The following TENT2 variants were observed in gnomAD, a reference collection of about 807,000 sequenced individuals.
TENT2 encodes the protein terminal nucleotidyltransferase 2.
A neutral mutation model predicts 72.2 loss-of-function variants in TENT2; 44 were observed. The ratio of observed to expected loss-of-function variants is 0.61; its 90% CI spans 0.48 to 0.78. The LOEUF is 0.78. Ranked by LOEUF, TENT2 falls within the 30% of genes least tolerant of loss-of-function variation. The probability of loss-of-function intolerance (pLI) is 0.00; values close to 1 mark genes in which losing one functional copy is unlikely to be tolerated. For missense variants in TENT2, 541 were observed against 569.6 expected (o/e 0.95, Z 0.51); for synonymous variants, 212 against 192.5 (o/e 1.10, Z -0.84).
rs1826375874 is a variant in TENT2 at position 79,687,420 on chromosome 5, A to C, written c.*2147A>C. On this transcript the variant is annotated 3_prime_UTR_variant, in exon 15 of 15. Transcript: ENST00000453514. ...ATTCCAGGTCAACCCCGTCCTCTTC[A>C]GATACCAAAATCCACAGATACTCAA... Among the ~76,000 whole-genome samples, 1 of 152,172 alleles carries C rather than the reference A, an allele frequency of 6.6e-6. No homozygotes were observed.
chr5:79,662,715 A>G (rs762401447), intron 11 of TENT2, among the ~76,000 whole-genome samples: 6 of 152,186 alleles, frequency 3.9e-5, no homozygotes, highest in Non-Finnish European at 5.9e-5. Flanking sequence ...TTCCATTTAT[A>G]GAGCACTGGC....
chr5:79,630,718 G>T (rs1774685360), intron 4 of TENT2, among the ~76,000 whole-genome samples: 1 of 152,054 alleles, frequency 6.6e-6, no homozygotes, highest in African/African-American at 2.4e-5. Flanking sequence ...AGGGGAAGTG[G>T]TTGAAGGTGT....
chr5:79,619,277 T>A (rs1466684870), intron 1 of TENT2, among the ~76,000 whole-genome samples: 1 of 152,222 alleles, frequency 6.6e-6, no homozygotes, highest in Non-Finnish European at 1.5e-5. Context: ...AGTTTGAGAA[T>A]AAATGTAATA....
At chr5:79,617,589 T>C (rs185751216) in intron 1 of TENT2, 27 of 152,340 alleles carry the variant, frequency 1.8e-4, no homozygotes, top group African/African-American at 5.8e-4. Flanking sequence ...TTCCCATCAC[T>C]GTCATCTCGG....
chr5:79,635,459 A>T (rs1476587850), intron 4 of TENT2, among the ~76,000 whole-genome samples: 1 of 152,030 alleles, frequency 6.6e-6, no homozygotes, highest in Non-Finnish European at 1.5e-5. Context: ...TTTTCCAGTC[A>T]TTGTAAATTT....
chr5:79,676,688 G>A (rs1276852142), intron 12 of TENT2, among the ~76,000 whole-genome samples: 1 of 151,932 alleles, frequency 6.6e-6, no homozygotes, highest in African/African-American at 2.4e-5. Flanking sequence ...AATATAATTG[G>A]TTGTCTCAGT....
At position 79,638,430 on chromosome 5, in the gene TENT2, C is replaced by G. The variant is rs146390249; in HGVS notation, c.466-2421C>G. The stretch of plus-strand genomic sequence containing the variant: ...GCTCTGTACTGTGCAGTTTAGGTTT[C>G]TCTTCCTGGCAGTTTCTGCTGTTGC... On this transcript the variant is annotated intron_variant, in intron 4 of 14. Coordinates refer to ENST00000453514, the MANE Select transcript of TENT2 (RefSeq NM_001114394.3). 5.1e-4 allele frequency among the ~76,000 whole-genome samples: 78 copies of G among 152,278 alleles called. No homozygotes were observed. The East Asian group carries it at 0.014, about 27-fold the overall frequency.
rs1820163112 is a variant in TENT2, at chr5:79,679,637, A to G, written c.1267A>G (p.Ile423Val). The stretch of plus-strand genomic sequence containing the variant: ...CAAAGCCATTCCAAGGCCTGATGGT[A>G]TTGAATGGAGAAATAAATACATCTG... ...EAKAIPRPDG[I>V]EWRNKYICVE... Residue 423 changes from isoleucine to valine, a missense_variant, in exon 13 of 15, where the codon ATT becomes GTT. Transcript: ENST00000453514. 2 of 1,601,816 alleles carry G rather than the reference A, an allele frequency of 1.2e-6. No individual in the cohort carries two copies. Among genetic ancestry groups the G allele is most frequent in the African/African-American group, 1.3e-5 (1 of 74,602 alleles).
chr5:79,660,351 A>T (rs1362774608), intron 11 of TENT2, among the ~76,000 whole-genome samples: 3 of 152,144 alleles, frequency 2.0e-5, no homozygotes, highest in Non-Finnish European at 4.4e-5. Context: ...CTTATGAAGG[A>T]ATCTTTATTT....
intron 11 of TENT2, among the ~76,000 whole-genome samples, chr5:79,661,805 A>ACATTGATTGATTCTT (rs1431846784): frequency 5.9e-5 from 9 of 152,176 alleles, no homozygotes; most frequent in Non-Finnish European, 1.3e-4. Flanking sequence ...AAAGTTTGCC[A>ACATTGATTGATTCTT]CATTGATTGA....
At position 79,671,120 on chromosome 5, in the gene TENT2, G is replaced by T. The variant is rs148055629; in HGVS notation, c.1208+2092G>T. Among the ~76,000 whole-genome samples, 1,004 of 152,192 alleles carry T rather than the reference G, an allele frequency of 6.6e-3. 50 individuals carry two copies. The highest frequency in any genetic ancestry group is 0.059 in the Admixed American group (907 of 15,286). ...CACCTGCTTTGTTGAACAGAAACAA[G>T]ATAGTGGATGTGTAGGTTTGTATGT... On this transcript the variant is annotated intron_variant, in intron 12 of 14. Coordinates refer to ENST00000453514, the MANE Select transcript of TENT2 (RefSeq NM_001114394.3).
chr5:79,658,718 T>C (rs1311897233), intron 11 of TENT2, among the ~76,000 whole-genome samples: 1 of 152,236 alleles, frequency 6.6e-6, no homozygotes, highest in Non-Finnish European at 1.5e-5. Flanking sequence ...CTTAAAACCC[T>C]ATGCTACATG....
chr5:79,631,260 G>A (rs571493491), intron 4 of TENT2, among the ~76,000 whole-genome samples: 1 of 152,172 alleles, frequency 6.6e-6, no homozygotes, highest in African/African-American at 2.4e-5. Flanking sequence ...TTGAGAAGAA[G>A]GTTTTGAGGA....
chr5:79,623,593 T>C lies in TENT2; in HGVS notation c.465+104T>C. The C allele has an allele frequency of 6.8e-6, 5 of 732,964 alleles. 1 individual carries two copies. In the South Asian group the frequency reaches 1.3e-4, roughly 19 times the overall value. The allele number at this position is 732,964 out of a possible 1,614,324, so 45.4% of individuals were successfully genotyped here. A position where few individuals can be genotyped will look rare whatever the true frequency, so the allele number is the denominator to read the frequency against. ...CTGGATTAAGTAGAACGTGCCTTTT[T>C]TTGTTGCAATGTTTAAAGTACTATT... is the stretch of plus-strand genomic sequence containing the variant. On this transcript the variant is annotated intron_variant, in intron 4 of 14. Transcript: ENST00000453514.
chr5:79,668,411 A>G (rs1810233938), intron 11 of TENT2, among the ~76,000 whole-genome samples: 1 of 152,144 alleles, frequency 6.6e-6, no homozygotes, highest in African/African-American at 2.4e-5. Flanking sequence ...AAATTAGTAT[A>G]AGTACTATTT....
rs1826491179 is a variant in TENT2, at chr5:79,687,752, T to C, written c.*2479T>C. Among the ~76,000 whole-genome samples, 1 of 152,230 alleles carries C rather than the reference T, an allele frequency of 6.6e-6. No homozygotes were observed. Among genetic ancestry groups the C allele is most frequent in the South Asian group, 2.1e-4 (1 of 4,834 alleles). On this transcript the variant is annotated 3_prime_UTR_variant, in exon 15 of 15. Coordinates refer to ENST00000453514, the MANE Select transcript of TENT2 (RefSeq NM_001114394.3). ...TATGTTGTTAAAGTGGTGTTTAAAA[T>C]GTGCAATCTGTACTACAATTCTAAA...
At chr5:79,645,844 AACAC>A (rs749453756) in intron 8 of TENT2, among the ~76,000 whole-genome samples, 2 of 98,894 alleles carry the variant, frequency 2.0e-5, no homozygotes, top group Non-Finnish European at 3.6e-5. Context: ...TGTGCCCACA[AACAC>A]ACACACACAC....
chr5:79,682,737 A>G (rs568416420), intron 14 of TENT2, among the ~76,000 whole-genome samples: 1 of 152,280 alleles, frequency 6.6e-6, no homozygotes, highest in Middle Eastern at 3.4e-3. Flanking sequence ...TGTATACCCC[A>G]CTGTCACAGG....
chr5:79,641,061 C>T, intron 5 of TENT2, 44 bp from the exon 6 acceptor site: 1 of 1,503,032 alleles, frequency 6.7e-7, no homozygotes, highest in South Asian at 1.3e-5. Flanking sequence ...CATGCACCTA[C>T]TTTAGATTTT....
Sources: gnomAD v4.1 joint callset for allele counts (sites outside exome capture counted in the v4.1 genomes callset) on GRCh38, gnomAD v4.1.1 for gene constraint, MANE v1.5 for transcripts, NCBI Gene and HGNC (gene_info 2026-07-23, HGNC 2026-07-21) for gene names.